The following PLCB2 variants were observed in gnomAD, a reference collection of about 807,000 sequenced individuals.
The protein encoded by PLCB2 is phospholipase C beta 2, also known as 1-phosphatidylinositol 4,5-bisphosphate phosphodiesterase beta-2.
A neutral mutation model predicts 141.7 loss-of-function variants in PLCB2; 115 were observed. The observed-to-expected ratio is 0.81, with a 90% confidence interval of 0.70 to 0.95. The LOEUF (loss-of-function observed/expected upper bound fraction) is 0.95. Among genes scored for constraint, PLCB2 ranks in the 40% least tolerant of loss-of-function variants. The probability of loss-of-function intolerance (pLI) is 0.00; values close to 1 mark genes in which losing one functional copy is unlikely to be tolerated. For synonymous variants in PLCB2, 603 were observed against 595.6 expected (o/e 1.01, Z -0.18); for missense variants, 1,403 against 1,541.1 (o/e 0.91, Z 1.50).
chr15:40,302,386 G>A, intron 4 of PLCB2, 37 bp from the exon 5 acceptor site: 1 of 1,612,552 alleles, frequency 6.2e-7, no homozygotes, highest in Non-Finnish European at 8.5e-7. Flanking sequence ...AGGCTCCTGA[G>A]CACCCCCGCC....
chr15:40,304,101 C>G, intron 1 of PLCB2, 23 bp from the exon 2 acceptor site: 1 of 1,555,716 alleles, frequency 6.4e-7, no homozygotes, highest in Admixed American at 1.9e-5. Context: ...GGAGCCAGCA[C>G]TCTGTTCCAA....
At chr15:40,298,416 C>G in intron 10 of PLCB2, 36 bp from the exon 11 acceptor site, 2 of 1,574,584 alleles carry the variant, frequency 1.3e-6, no homozygotes, top group Admixed American at 1.7e-5. Flanking sequence ...GAGGGCATCA[C>G]CCAAAGGCAG....
Position 40,291,941 on chromosome 15 carries a change from G to A in PLCB2, c.2527-17C>T, listed in dbSNP as rs1460229031. On this transcript the variant is annotated splice_polypyrimidine_tract_variant and intron_variant, in intron 23 of 31. Transcript: ENST00000260402. ...GAAGGGCTTCTGTGTAGGGAGAGCA[G>A]GTCAGGAAGGTGGCTTGACAGCCCT... 1 of 1,613,616 alleles carries A rather than the reference G, an allele frequency of 6.2e-7. No homozygotes were observed. Among genetic ancestry groups the A allele is most frequent in the Non-Finnish European group, 8.5e-7 (1 of 1,179,590 alleles).
intron 25 of PLCB2, 53 bp from the exon 26 acceptor site, chr15:40,291,540 A>G (rs2039927360): frequency 6.2e-7 from 1 of 1,605,610 alleles, no homozygotes; most frequent in Admixed American, 1.7e-5. Context: ...TGCCCGTCCA[A>G]CCCCCAAGGA....
chr15:40,295,610 C>T lies in PLCB2; in HGVS notation c.1697-325G>A, dbSNP rs192897371. Among the ~76,000 whole-genome samples, 4 of 152,302 alleles carry T rather than the reference C, an allele frequency of 2.6e-5. No homozygotes were observed. In the East Asian group the frequency reaches 5.8e-4, roughly 22 times the overall value. Reference sequence around the variant, plus strand: ...CCTAGGGGGTCAGTAACATGCTGTGCACACATGAAATGTGAACACATGCTT... The same window carrying T: ...CCTAGGGGGTCAGTAACATGCTGTGTACACATGAAATGTGAACACATGCTT... On this transcript the variant is annotated intron_variant, in intron 16 of 31. Transcript: ENST00000260402.
intron 24 of PLCB2, 37 bp from the exon 25 acceptor site, chr15:40,291,687 G>A: frequency 1.2e-6 from 2 of 1,610,252 alleles, no homozygotes; most frequent in Non-Finnish European, 1.7e-6. Flanking sequence ...AGGTGCTCTG[G>A]GGGGCCCCTT....
intron 2 of PLCB2, 90 bp from the exon 3 acceptor site, chr15:40,303,446 C>A (rs2040629809): frequency 1.1e-6 from 1 of 878,320 alleles, no homozygotes; most frequent in Non-Finnish European, 1.9e-6. Context: ...GAGAAGGGAG[C>A]TTCCACACCC....
chr15:40,290,738 G>C, intron 28 of PLCB2, 23 bp downstream of exon 28: 1 of 1,612,872 alleles, frequency 6.2e-7, no homozygotes, highest in Non-Finnish European at 8.5e-7. Flanking sequence ...GGCGAAGCAG[G>C]TGTGGGAGGG....
Position 40,290,065 on chromosome 15 carries a change from TTAATC to T in PLCB2, c.3222_3226del (p.Ile1075GlnfsTer83). Reference sequence around the variant, plus strand: ...CACTACTTCCTGGATGTGGGAGTTGTTAATCTCTCTCTTCAACCTGTTGGTGTAAT... The same window carrying T: ...CACTACTTCCTGGATGTGGGAGTTGTTCTCTCTTCAACCTGTTGGTGTAAT... On this transcript the variant is annotated frameshift_variant, in exon 30 of 32. Coordinates refer to ENST00000260402, the MANE Select transcript of PLCB2 (RefSeq NM_004573.3). LOFTEE classifies it high-confidence loss of function. 2 of 1,610,528 alleles carry T rather than the reference TTAATC, an allele frequency of 1.2e-6. No individual in the cohort carries two copies. The highest frequency in any genetic ancestry group is 1.7e-6 in the Non-Finnish European group (2 of 1,176,892).
At position 40,302,301 on chromosome 15, in the gene PLCB2, T is replaced by C. The variant is rs901298491; in HGVS notation, c.421A>G (p.Asn141Asp). 2 of 1,614,080 alleles carry C rather than the reference T, an allele frequency of 1.2e-6. No individual in the cohort carries two copies. The change falls in exon 5 of 32, where the codon AAC becomes GAC. Residue 141 changes from asparagine (N) to aspartate (D), a missense_variant. Physicochemically the swap from Asn to Asp is conservative, Grantham distance 23 (BLOSUM62 1). This residue lies in a region of PLCB2 where 975 missense variants were observed against 1,141.1 expected (regional missense o/e 0.85). Coordinates refer to ENST00000260402, the MANE Select transcript of PLCB2 (RefSeq NM_004573.3). ...LALVKHPLTA[N>D]ASRSTFLDKI... ...TCCAGGAAGGTGCTGCGGGAGGCGT[T>C]GGCCGTCAGCGGATGTTTGACTAGG...
At chr15:40,295,489 G>A (rs1015624706) in intron 16 of PLCB2, among the ~76,000 whole-genome samples, 4 of 151,498 alleles carry the variant, frequency 2.6e-5, no homozygotes, top group African/African-American at 9.8e-5. Context: ...TTCTCAGTGT[G>A]TATGCACAGG....
rs1566877238 is a variant in PLCB2, at chr15:40,293,732, T to TA, written c.2062-9dup. 6.2e-7 allele frequency: 1 copy of TA among 1,602,318 alleles called. No homozygotes were observed. Among genetic ancestry groups the TA allele is most frequent in the Non-Finnish European group, 8.5e-7 (1 of 1,170,808 alleles). ...GAACTGCCCAGAGATCACCTGGGGG[T>TA]AGGGGCCCAGGAAAACCAGCATCAA... On this transcript the variant is annotated splice_polypyrimidine_tract_variant and intron_variant, in intron 19 of 31. Transcript: ENST00000260402.
chr15:40,287,858 C>A (rs1000187040), downstream of PLCB2: 2 of 907,998 alleles, frequency 2.2e-6, no homozygotes, highest in East Asian at 2.4e-4. Context: ...CACTCCACTA[C>A]CCTGCCCCCA....
chr15:40,291,079 A>G lies in PLCB2; in HGVS notation c.2975T>C (p.Leu992Pro). The part of the protein sequence containing the change: ...ELKDRLELEL[L>P]RQGEEQYECV... ...CTCGTACTGCTCCTCGCCCTGCCGC[A>G]GCAGCTCCAGCTCCAGCCTGTCTTT... is the stretch of plus-strand genomic sequence containing the variant. The change falls in exon 27 of 32, where the codon CTG (leucine) becomes CCG (proline). Residue 992 changes from leucine (L) to proline (P), a missense_variant. Transcript: ENST00000260402. 6.3e-7 allele frequency: 1 copy of G among 1,589,904 alleles called. No homozygotes were observed. Among genetic ancestry groups the G allele is most frequent in the Non-Finnish European group, 8.5e-7 (1 of 1,175,900 alleles).
At position 40,298,152 on chromosome 15, in the gene PLCB2, C is replaced by T. The variant is rs567886869; in HGVS notation, c.1155+71G>A. 6 of 1,468,394 alleles carry T rather than the reference C, an allele frequency of 4.1e-6. No individual in the cohort carries two copies. The South Asian group carries it at 6.7e-5, about 17-fold the overall frequency. The allele number at this position is 1,468,394 out of a possible 1,614,324, so 91.0% of individuals were successfully genotyped here. The stretch of plus-strand genomic sequence containing the variant: ...ATCTTCTCTAGCTTCAGCCCTCCAA[C>T]CCCTCAAAGCTTCTGGCCCAGAGCC... On this transcript the variant is annotated intron_variant, in intron 11 of 31. Transcript: ENST00000260402.
rs774922163 is a variant in PLCB2 at position 40,303,363 on chromosome 15, G to T, written c.163-7C>A. ...TATCCAGAAACTCCATCTCCTGGGG[G>T]CAGGGTGCGGATCCCGGTGGGAGCA... On this transcript the variant is annotated splice_region_variant and splice_polypyrimidine_tract_variant and intron_variant, in intron 2 of 31. Transcript: ENST00000260402. The T allele has an allele frequency of 2.3e-5, 37 of 1,610,406 alleles. No homozygotes were observed. Among genetic ancestry groups the T allele is most frequent in the East Asian group, 4.5e-5 (2 of 44,882 alleles).
Position 40,291,866 on chromosome 15 carries a change from G to T in PLCB2, c.2585C>A (p.Thr862Lys), listed in dbSNP as rs779256250. The change falls in exon 24 of 32, where the codon ACG becomes AAG. Residue 862 changes from threonine to lysine, a missense_variant. This residue lies in a region of PLCB2 where 975 missense variants were observed against 1,141.1 expected (regional missense o/e 0.85). Coordinates refer to ENST00000260402, the MANE Select transcript of PLCB2 (RefSeq NM_004573.3). The stretch of plus-strand genomic sequence containing the variant: ...GCTCATACCTGGTGACCCATTGCTC[G>T]TTGGGGCCAACGCCCCATTGACCTG... ...ASQVNGALAP[T>K]SNGSPAARAG... is the part of the protein sequence containing the mutation. 2 of 1,614,104 alleles carry T rather than the reference G, an allele frequency of 1.2e-6. No homozygotes were observed. The highest frequency in any genetic ancestry group is 1.3e-5 in the African/African-American group (1 of 75,070).
chr15:40,285,696 C>T (rs545336531), downstream of PLCB2: 14 of 985,436 alleles, frequency 1.4e-5, 1 homozygote, highest in African/African-American at 2.4e-4. Flanking sequence ...CTTTTCAGCA[C>T]TGTGAGGGAA....
chr15:40,298,668 C>A lies in PLCB2; in HGVS notation c.891G>T (p.Gly297=). The A allele has an allele frequency of 6.2e-7, 1 of 1,614,140 alleles. No homozygotes were observed. Among genetic ancestry groups the A allele is most frequent in the Non-Finnish European group, 8.5e-7 (1 of 1,179,992 alleles). ...CCTGGGCCAGCACGCTGTTCTCTGG[C>A]CCACAGAGAAACCAGACCATGCCTT... ...SPEGMVWFLC[G]PENSVLAQDK... Residue 297 remains glycine (G), a synonymous_variant, in exon 10 of 32, where the codon GGG becomes GGT. Transcript: ENST00000260402.
Sources: allele counts gnomAD v4.1 joint callset (sites outside exome capture counted in the v4.1 genomes callset), GRCh38; gene constraint gnomAD v4.1.1; regional missense constraint gnomAD v4.1.1; transcripts MANE v1.5; gene names NCBI Gene and HGNC (gene_info 2026-07-23, HGNC 2026-07-21).